SLC43A3: variants seen among roughly 807,000 people sequenced by gnomAD.
SLC43A3 encodes the protein equilibrative nucleobase transporter 1.
A neutral mutation model predicts 53.3 loss-of-function variants in SLC43A3; 33 were observed. The ratio of observed to expected loss-of-function variants is 0.62; its 90% CI spans 0.47 to 0.83. The LOEUF (loss-of-function observed/expected upper bound fraction) is 0.83. Ranked by LOEUF, SLC43A3 falls within the 40% of genes least tolerant of loss-of-function variation. The pLI, the probability that SLC43A3 is intolerant of heterozygous loss-of-function variation, is 0.00. For missense variants in SLC43A3, 530 were observed against 610.0 expected, an observed-to-expected ratio of 0.87 and a Z score of 1.38; for synonymous variants, 236 against 246.2, an observed-to-expected ratio of 0.96 and a Z score of 0.39.
In SLC43A3 at chr11:57,410,079, G is replaced by A. The variant is rs758460093; in HGVS notation, c.1103C>T (p.Ser368Leu). 4 of 1,610,972 alleles carry A rather than the reference G, an allele frequency of 2.5e-6. No individual in the cohort carries two copies. The highest frequency in any genetic ancestry group is 3.4e-6 in the Non-Finnish European group (4 of 1,178,948). Residue 368 changes from serine to leucine, a missense_variant, in exon 12 of 14, where the codon TCG becomes TTG. Coordinates refer to ENST00000395124, the MANE Select transcript of SLC43A3 (RefSeq NM_199329.3). ...GCACAGCAGGGATGTCAGGGCCAGCGAAGGCACCGTCGAGCAGAGGGCCAC... is the reference window on the plus strand; with the variant it reads ...GCACAGCAGGGATGTCAGGGCCAGCAAAGGCACCGTCGAGCAGAGGGCCAC... The part of the protein sequence containing the change: ...LAVALCSTVP[S>L]LALTSLLCLG...
At chr11:57,416,140 C>A (rs550284046) in intron 9 of SLC43A3, among the ~76,000 whole-genome samples, 151 of 152,174 alleles carry the variant, frequency 9.9e-4, no homozygotes, top group Non-Finnish European at 1.8e-3. Flanking sequence ...TAGCTAGCTG[C>A]GGTTTGTGAT....
chr11:57,424,621 A>AG (rs897071783), intron 4 of SLC43A3, among the ~76,000 whole-genome samples: 2 of 152,256 alleles, frequency 1.3e-5, no homozygotes, highest in Non-Finnish European at 2.9e-5. Context: ...AGTAAAAAAA[A>AG]AAAAGCAATA....
intron 9 of SLC43A3, 92 bp downstream of exon 9, chr11:57,416,481 G>A (rs1484365386): frequency 1.1e-6 from 1 of 931,340 alleles, no homozygotes; most frequent in South Asian, 1.4e-5. Flanking sequence ...CTGATTCTGG[G>A]TCCCTGGGGG....
intron 8 of SLC43A3, 147 bp downstream of exon 8, chr11:57,417,601 G>T: frequency 1.0e-6 from 1 of 956,276 alleles, no homozygotes; most frequent in Non-Finnish European, 1.5e-6. Flanking sequence ...AGGCTGCTGA[G>T]TTTTGAGATA....
chr11:57,415,167 A>T lies in SLC43A3; in HGVS notation c.770-61T>A, dbSNP rs1399576462. The T allele has an allele frequency of 2.6e-5, 41 of 1,583,068 alleles. No homozygotes were observed. The South Asian group carries it at 3.1e-4, about 12-fold the overall frequency. On this transcript the variant is annotated intron_variant, in intron 9 of 13. Coordinates refer to ENST00000395124, the MANE Select transcript of SLC43A3 (RefSeq NM_199329.3). Reference sequence around the variant, plus strand: ...AGGAAAGTGGACAGGTAGGATGGGGAGTGTGGAGGCTTCAATGGAACATTT... The same window carrying T: ...AGGAAAGTGGACAGGTAGGATGGGGTGTGTGGAGGCTTCAATGGAACATTT...
chr11:57,417,674 G>T, intron 8 of SLC43A3, 74 bp downstream of exon 8: 2 of 1,553,876 alleles, frequency 1.3e-6, no homozygotes, highest in South Asian at 2.4e-5. Context: ...CCTGTGATAG[G>T]TTTGCTTTAC....
intron 7 of SLC43A3, among the ~76,000 whole-genome samples, chr11:57,420,288 C>G (rs1371892806): frequency 6.6e-6 from 1 of 152,210 alleles, no homozygotes; most frequent in East Asian, 1.9e-4. Flanking sequence ...GAAAAGTCCC[C>G]TTGAATCTTC....
intron 5 of SLC43A3, 173 bp downstream of exon 5, chr11:57,423,809 A>G (rs984355686): frequency 1.7e-6 from 1 of 579,478 alleles, no homozygotes; most frequent in Non-Finnish European, 3.1e-6. Context: ...TTCTCAATAA[A>G]CTGTTTTCAC....
At chr11:57,411,620 G>A (rs565629132) in intron 11 of SLC43A3, among the ~76,000 whole-genome samples, 18 of 152,100 alleles carry the variant, frequency 1.2e-4, no homozygotes, top group East Asian at 9.6e-4. Flanking sequence ...AGCCGTGATC[G>A]TACCACTGTA....
chr11:57,414,002 G>GC (rs927151143), intron 11 of SLC43A3, among the ~76,000 whole-genome samples: 14 of 152,098 alleles, frequency 9.2e-5, no homozygotes, highest in Non-Finnish European at 1.8e-4. Context: ...GCTTCTTTGT[G>GC]CCCCCCATGG....
Position 57,426,001 on chromosome 11 carries a change from T to A in SLC43A3, c.172A>T (p.Thr58Ser). 1 of 1,614,164 alleles carries A rather than the reference T, an allele frequency of 6.2e-7. No homozygotes were observed. The highest frequency in any genetic ancestry group is 8.5e-7 in the Non-Finnish European group (1 of 1,179,966). The change falls in exon 3 of 14, where the codon ACA (threonine) becomes TCA (serine). Residue 58 changes from threonine to serine, a missense_variant. Thr to Ser is a moderately conservative substitution (Grantham distance 58). Around this residue, in one of 3 missense-constraint regions of SLC43A3, gnomAD observed 376 missense variants for 386.7 expected, o/e 0.97. Coordinates refer to ENST00000395124, the MANE Select transcript of SLC43A3 (RefSeq NM_199329.3). ...GPDAGPIGNATGQADCKAQDE... is the reference protein window; with the variant it reads ...GPDAGPIGNASGQADCKAQDE... The stretch of plus-strand genomic sequence containing the variant: ...TCCCTGCCCTTACCAGCCTGCCCTG[T>A]GGCATTGCCAATCGGCCCAGCATCT...
chr11:57,425,915 A>C, intron 3 of SLC43A3, 74 bp downstream of exon 3: 1 of 1,475,656 alleles, frequency 6.8e-7, no homozygotes, highest in Non-Finnish European at 9.3e-7. Flanking sequence ...GGCAGGGGGC[A>C]GAGTCCTTCC....
intron 9 of SLC43A3, chr11:57,415,327 T>C: frequency 6.6e-7 from 1 of 1,513,768 alleles, no homozygotes; most frequent in Non-Finnish European, 8.8e-7. Flanking sequence ...CTCTGTGTTC[T>C]TCTCTATTGA....
chr11:57,417,607 A>C (rs998862292), intron 8 of SLC43A3, 141 bp downstream of exon 8: 6 of 984,880 alleles, frequency 6.1e-6, no homozygotes, highest in Non-Finnish European at 8.8e-6. Flanking sequence ...CTGAGTTTTG[A>C]GATAGTTTGT....
chr11:57,408,093 T>G (rs75179250), intron 13 of SLC43A3, 197 bp from the exon 14 acceptor site: 6,458 of 540,568 alleles, frequency 0.012, 348 homozygotes, highest in African/African-American at 0.11. Flanking sequence ...GCACTATCGG[T>G]TGGGGTAGAG....
At chr11:57,425,046 A>G (rs1010404101) in intron 4 of SLC43A3, among the ~76,000 whole-genome samples, 1 of 152,166 alleles carries the variant, frequency 6.6e-6, no homozygotes, top group African/African-American at 2.4e-5. Flanking sequence ...GGCAATACCA[A>G]AGAAACTTCC....
Position 57,410,102 on chromosome 11 carries a change from C to A in SLC43A3, c.1080G>T (p.Val360=), listed in dbSNP as rs1331373085. Residue 360 remains valine (V), a synonymous_variant, in exon 12 of 14, where the codon GTG becomes GTT. Transcript: ENST00000395124. The part of the protein sequence containing the change: ...ARKTGSSTLA[V]ALCSTVPSLA... ...GCGAAGGCACCGTCGAGCAGAGGGCCACCGCCAAAGTGGAGGAACCTGGGC... is the reference window on the plus strand; with the variant it reads ...GCGAAGGCACCGTCGAGCAGAGGGCAACCGCCAAAGTGGAGGAACCTGGGC... The A allele has an allele frequency of 6.2e-7, 1 of 1,605,208 alleles. No homozygotes were observed. Among genetic ancestry groups the A allele is most frequent in the Admixed American group, 1.7e-5 (1 of 58,162 alleles).
intron 8 of SLC43A3, 90 bp from the exon 9 acceptor site, chr11:57,416,760 A>T (rs977281202): frequency 1.0e-6 from 1 of 967,236 alleles, no homozygotes; most frequent in Admixed American, 2.0e-5. Flanking sequence ...TGAATCCCAC[A>T]TTCCACCGCA....
Position 57,414,915 on chromosome 11 carries a change from C to T in SLC43A3, c.943+18G>A, listed in dbSNP as rs763664424. On this transcript the variant is annotated intron_variant, in intron 10 of 13. Transcript: ENST00000395124. Reference sequence around the variant, plus strand: ...GCTGGGACATGCAGATGGGCTACCTCCCAGCCCTACCACATACCTCGTGCC... The same window carrying T: ...GCTGGGACATGCAGATGGGCTACCTTCCAGCCCTACCACATACCTCGTGCC... 6.2e-7 allele frequency: 1 copy of T among 1,610,790 alleles called. No homozygotes were observed. The highest frequency in any genetic ancestry group is 2.2e-5 in the East Asian group (1 of 44,890).
Sources: gnomAD v4.1 joint callset for allele counts (sites outside exome capture counted in the v4.1 genomes callset) on GRCh38, gnomAD v4.1.1 for gene constraint, gnomAD v4.1.1 regional missense constraint, MANE v1.5 for transcripts, NCBI Gene and HGNC (gene_info 2026-07-23, HGNC 2026-07-21) for gene names.